UMODL1: variants seen among roughly 807,000 people sequenced by gnomAD.
The protein encoded by UMODL1 is uromodulin like 1, also known as uromodulin-like 1.
UMODL1 carries 128 observed loss-of-function variants against 136.3 expected under a neutral mutation model. That is an observed-to-expected ratio of 0.94 (90% CI 0.81 to 1.09). The LOEUF (loss-of-function observed/expected upper bound fraction) is 1.09. Ranked by LOEUF, UMODL1 falls within the 50% of genes least tolerant of loss-of-function variation. UMODL1 has a pLI of 0.00. For synonymous variants in UMODL1, 721 were observed against 720.0 expected (o/e 1.00, Z -0.02); for missense variants, 1,766 against 1,725.6 (o/e 1.02, Z -0.41).
chr21:42,121,996 C>T (rs577603728), intron 16 of UMODL1, among the ~76,000 whole-genome samples: 4 of 152,220 alleles, frequency 2.6e-5, no homozygotes, highest in South Asian at 4.2e-4. Flanking sequence ...TGGCAGAGAG[C>T]GAGAAGCAGG....
chr21:42,125,045 GT>G (rs1452065077), intron 17 of UMODL1, among the ~76,000 whole-genome samples: 1 of 152,132 alleles, frequency 6.6e-6, no homozygotes, highest in Non-Finnish European at 1.5e-5. Flanking sequence ...GCTGCTTCTG[GT>G]TGGGGGTCTG....
chr21:42,127,523 G>C (rs2067075501), intron 19 of UMODL1, 149 bp from the exon 20 acceptor site: 2 of 1,008,502 alleles, frequency 2.0e-6, no homozygotes, highest in Non-Finnish European at 1.4e-6. Flanking sequence ...CCTGGGTTTT[G>C]GGGAACAAAT....
At chr21:42,127,603 A>G in intron 19 of UMODL1, 69 bp from the exon 20 acceptor site, 1 of 1,504,598 alleles carries the variant, frequency 6.6e-7, no homozygotes, top group Non-Finnish European at 8.9e-7. Context: ...AGTCGTGAGT[A>G]AACTCATCTG....
chr21:42,121,294 G>A (rs1484495614), intron 16 of UMODL1, 70 bp downstream of exon 16: 4 of 1,538,068 alleles, frequency 2.6e-6, no homozygotes, highest in Non-Finnish European at 3.5e-6. Flanking sequence ...ACATTCACGT[G>A]CAAAGGGCTT....
At chr21:42,063,259 C>T (rs1160368895) in intron 1 of UMODL1, 1 of 152,270 alleles carries the variant, frequency 6.6e-6, no homozygotes, top group African/African-American at 2.4e-5. Context: ...TTGGACATAT[C>T]TTTTGCAGGG....
rs568618686 is a variant in UMODL1, at chr21:42,064,406, T to G, written c.-141+1192T>G. Among the ~76,000 whole-genome samples, 3 of 152,264 alleles carry G rather than the reference T, an allele frequency of 2.0e-5. No individual in the cohort carries two copies. In the East Asian group the frequency reaches 5.8e-4, roughly 29 times the overall value. ...AACTGAAACATTACCTCTCCCTGGG[T>G]CTTGAGTCTGCCTACGTTGGCACGG... On this transcript the variant is annotated intron_variant, in intron 1 of 22. Coordinates refer to the UMODL1 transcript ENST00000400424.
At position 42,084,067 on chromosome 21, in the gene UMODL1, G is replaced by T. The variant is rs1007399287; in HGVS notation, c.320-17G>T. The stretch of plus-strand genomic sequence containing the variant: ...TCTTTTATCGCCAGTATCATTAATT[G>T]TATCATTTTCTCCCAGCCCTGAATC... On this transcript the variant is annotated splice_polypyrimidine_tract_variant and intron_variant, in intron 2 of 22. Transcript: ENST00000408910. 3 of 1,609,414 alleles carry T rather than the reference G, an allele frequency of 1.9e-6. No homozygotes were observed. The highest frequency in any genetic ancestry group is 1.3e-5 in the African/African-American group (1 of 74,768).
rs2066231177 is a variant in UMODL1 at position 42,071,471 on chromosome 21, G to T, written c.76+79G>T. 3.7e-6 allele frequency: 5 copies of T among 1,368,760 alleles called. No homozygotes were observed. In the South Asian group the frequency reaches 8.7e-5, roughly 24 times the overall value. The allele number at this position is 1,368,760 out of a possible 1,614,324, so 84.8% of individuals were successfully genotyped here. A position where few individuals can be genotyped will look rare whatever the true frequency, so the allele number is the denominator to read the frequency against. ...ATGGGTCTCATGAGGACAGCCCCCT[G>T]TGGAGACCTGGGCAGGCAAGGACGC... On this transcript the variant is annotated intron_variant, in intron 1 of 22. Coordinates refer to ENST00000408910, the MANE Select transcript of UMODL1 (RefSeq NM_001004416.3).
chr21:42,112,660 A>C (rs982288905), intron 12 of UMODL1, among the ~76,000 whole-genome samples: 40 of 151,092 alleles, frequency 2.6e-4, no homozygotes, highest in African/African-American at 8.5e-4. Context: ...GCACCTCCCC[A>C]GCTGTTTTGT....
intron 21 of UMODL1, among the ~76,000 whole-genome samples, chr21:42,130,444 T>C (rs1465246005): frequency 2.6e-5 from 4 of 152,114 alleles, no homozygotes; most frequent in South Asian, 4.2e-4. Context: ...AAAAAATACA[T>C]TGGTTTGGGG....
chr21:42,133,695 G>T (rs7283685), intron 21 of UMODL1, among the ~76,000 whole-genome samples: 8,147 of 152,230 alleles, frequency 0.054, 351 homozygotes, highest in East Asian at 0.23. Context: ...CCCAATCTTT[G>T]GTGGACCTTG....
chr21:42,079,862 G>C (rs2066340046), intron 2 of UMODL1, among the ~76,000 whole-genome samples: 1 of 152,226 alleles, frequency 6.6e-6, no homozygotes, highest in Non-Finnish European at 1.5e-5. Flanking sequence ...TAGTATAAGG[G>C]AGTTTGTGGC....
intron 14 of UMODL1, among the ~76,000 whole-genome samples, chr21:42,116,415 C>T (rs971362002): frequency 6.6e-6 from 1 of 151,966 alleles, no homozygotes; most frequent in Non-Finnish European, 1.5e-5. Flanking sequence ...GTCCTATGAG[C>T]TCCTCATTTC....
intron 6 of UMODL1, chr21:42,093,799 G>A (rs186050343): frequency 2.2e-6 from 1 of 446,378 alleles, no homozygotes; most frequent in Non-Finnish European, 4.5e-6. Context: ...TCATCCCCGG[G>A]GTCTCCAGGT....
At chr21:42,126,861 A>G (rs2067062629) in intron 18 of UMODL1, 145 bp from the exon 19 acceptor site, 5 of 769,036 alleles carry the variant, frequency 6.5e-6, no homozygotes, top group Admixed American at 3.9e-5. Flanking sequence ...ATGGCCTCCA[A>G]GTGCTCTCGT....
intron 9 of UMODL1, chr21:42,108,562 T>G (rs1050773040): frequency 1.5e-5 from 5 of 338,328 alleles, no homozygotes; most frequent in African/African-American, 1.1e-4. Flanking sequence ...TGGCTTAAAT[T>G]CCACCTGAAT....
intron 16 of UMODL1, among the ~76,000 whole-genome samples, chr21:42,121,701 C>T (rs528529565): frequency 2.0e-5 from 3 of 152,204 alleles, no homozygotes; most frequent in Non-Finnish European, 4.4e-5. Flanking sequence ...GAATCTGCGT[C>T]AAGTGAAGGG....
In UMODL1 at chr21:42,088,274, C is replaced by T; in HGVS notation, c.604-20C>T. 1 of 1,605,286 alleles carries T rather than the reference C, an allele frequency of 6.2e-7. No homozygotes were observed. The highest frequency in any genetic ancestry group is 1.1e-5 in the South Asian group (1 of 90,826). ...CGGGGTGTCCTTCTGCTGTGTGACACTCTGATTCTGCCTTCACAGGTCACC... is the reference window on the plus strand; with the variant it reads ...CGGGGTGTCCTTCTGCTGTGTGACATTCTGATTCTGCCTTCACAGGTCACC... On this transcript the variant is annotated intron_variant, in intron 4 of 22. Coordinates refer to ENST00000408910, the MANE Select transcript of UMODL1 (RefSeq NM_001004416.3).
At chr21:42,097,421 G>T (rs1285279873) in intron 6 of UMODL1, among the ~76,000 whole-genome samples, 4 of 152,218 alleles carry the variant, frequency 2.6e-5, no homozygotes, top group African/African-American at 2.4e-5. Context: ...AGACAGCAGG[G>T]CTATGTCGCG....
Sources: gnomAD v4.1 joint callset for allele counts (sites outside exome capture counted in the v4.1 genomes callset) on GRCh38, gnomAD v4.1.1 for gene constraint, MANE v1.5 for transcripts, NCBI Gene and HGNC (gene_info 2026-07-23, HGNC 2026-07-21) for gene names.